Variants in CCDC18 observed in about 807,000 individuals in gnomAD.
CCDC18 encodes coiled-coil domain containing 18.
A neutral mutation model predicts 196.0 loss-of-function variants in CCDC18; 157 were observed. That is an observed-to-expected ratio of 0.80 (90% CI 0.70 to 0.91). CCDC18 has a LOEUF of 0.91. Ranked by LOEUF, CCDC18 falls within the 40% of genes least tolerant of loss-of-function variation. The pLI is 0.00. For synonymous variants in CCDC18, 482 were observed against 529.2 expected, an observed-to-expected ratio of 0.91 and a Z score of 1.22; for missense variants, 1,465 against 1,611.6, an observed-to-expected ratio of 0.91 and a Z score of 1.56.
intron 9 of CCDC18, among the ~76,000 whole-genome samples, chr1:93,207,861 A>G (rs1654958161): frequency 6.6e-6 from 1 of 152,230 alleles, no homozygotes; most frequent in African/African-American, 2.4e-5. Context: ...TCTTTTCTGG[A>G]CATTTCACAT....
At chr1:93,251,863 C>T (rs1662292546) in intron 23 of CCDC18, among the ~76,000 whole-genome samples, 1 of 151,734 alleles carries the variant, frequency 6.6e-6, no homozygotes, top group Admixed American at 6.6e-5. Flanking sequence ...AAAAAGCTTT[C>T]TACCCCTTTG....
upstream of CCDC18, chr1:93,180,454 G>A: frequency 7.2e-7 from 1 of 1,392,500 alleles, no homozygotes; most frequent in Non-Finnish European, 9.7e-7. Context: ...GTCCTATTCC[G>A]CAACCGCCTC....
intron 6 of CCDC18, among the ~76,000 whole-genome samples, chr1:93,201,452 T>G (rs1653818292): frequency 6.6e-6 from 1 of 152,134 alleles, no homozygotes; most frequent in South Asian, 2.1e-4. Context: ...AAGTTACCAT[T>G]TTTTGAAATA....
chr1:93,234,947 G>GTT (rs1185201870), intron 18 of CCDC18, among the ~76,000 whole-genome samples: 1 of 147,644 alleles, frequency 6.8e-6, no homozygotes, highest in Non-Finnish European at 1.5e-5. Context: ...GTGTGTGTGT[G>GTT]TGTGTGTGTG....
Position 93,206,037 on chromosome 1 carries a change from C to A in CCDC18, c.917+406C>A, listed in dbSNP as rs139069691. Among the ~76,000 whole-genome samples the A allele has an allele frequency of 5.9e-3, 896 of 152,142 alleles. 9 individuals are homozygous for A. The highest frequency in any genetic ancestry group is 0.012 in the African/African-American group (487 of 41,534). The stretch of plus-strand genomic sequence containing the variant: ...AAGTAAACAGAAGCCCCGAGAGTAG[C>A]CAGAATTTACTGAAGGTCTGAAAGA... On this transcript the variant is annotated intron_variant, in intron 8 of 28. Transcript: ENST00000690025.
At chr1:93,261,241 A>T (rs1164578134) in intron 26 of CCDC18, among the ~76,000 whole-genome samples, 1 of 151,988 alleles carries the variant, frequency 6.6e-6, no homozygotes, top group African/African-American at 2.4e-5. Context: ...TAAATGTAAA[A>T]CTCCTGACTT....
intron 28 of CCDC18, among the ~76,000 whole-genome samples, chr1:93,275,701 AATC>A (rs1279588015): frequency 6.6e-6 from 1 of 152,220 alleles, no homozygotes; most frequent in Non-Finnish European, 1.5e-5. Context: ...GCCCTGGATT[AATC>A]ATTAAGGAAA....
rs534424295 is a variant in CCDC18 at position 93,262,733 on chromosome 1, G to T, written c.3685-1968G>T. ...TCTACCATTCTGGGGTCTAGAGAAT[G>T]GTGGCCCTCTTCTTACAGCTCCACT... On this transcript the variant is annotated intron_variant, in intron 26 of 28. Transcript: ENST00000690025. Among the ~76,000 whole-genome samples the T allele has an allele frequency of 2.8e-4, 43 of 152,296 alleles. 1 individual carries two copies. The South Asian group carries it at 8.5e-3, about 30-fold the overall frequency.
chr1:93,180,450 T>A (rs1649331169), upstream of CCDC18: 1 of 1,376,524 alleles, frequency 7.3e-7, no homozygotes, highest in South Asian at 1.3e-5. Context: ...AGCAGTCCTA[T>A]TCCGCAACCG....
chr1:93,193,841 C>T, intron 6 of CCDC18, 97 bp downstream of exon 6: 1 of 931,500 alleles, frequency 1.1e-6, no homozygotes, highest in Non-Finnish European at 1.5e-6. Flanking sequence ...GAAAAAATTT[C>T]AGAGATTTGG....
At chr1:93,272,599 A>T (rs1665366729) in intron 28 of CCDC18, among the ~76,000 whole-genome samples, 1 of 152,196 alleles carries the variant, frequency 6.6e-6, no homozygotes, top group Non-Finnish European at 1.5e-5. Context: ...TGACTATCAT[A>T]TTTGGTAATG....
At chr1:93,206,920 A>C (rs1191644825) in intron 8 of CCDC18, among the ~76,000 whole-genome samples, 187 bp from the exon 9 acceptor site, 1 of 152,154 alleles carries the variant, frequency 6.6e-6, no homozygotes, top group Non-Finnish European at 1.5e-5. Context: ...GTAAATAAGA[A>C]GTAATAATAG....
In CCDC18 at chr1:93,256,268, A is replaced by G. The variant is rs1662949403; in HGVS notation, c.3343-67A>G. On this transcript the variant is annotated intron_variant, in intron 24 of 28. Transcript: ENST00000690025. ...GGTGGAAATTTACGTATTAAGCAAA[A>G]TCAGAATAAGAAATAGGTTATCTAT... 4 of 1,425,648 alleles carry G rather than the reference A, an allele frequency of 2.8e-6. No homozygotes were observed. The East Asian group carries it at 6.9e-5, about 25-fold the overall frequency. 88.3% of individuals were successfully genotyped at this position (1,425,648 alleles called of 1,614,324 possible).
chr1:93,248,294 G>A (rs978046512), intron 23 of CCDC18, among the ~76,000 whole-genome samples: 8 of 152,130 alleles, frequency 5.3e-5, no homozygotes, highest in East Asian at 1.9e-4. Context: ...GATTACAGGC[G>A]TGAGCCACTG....
intron 23 of CCDC18, among the ~76,000 whole-genome samples, chr1:93,250,188 G>C (rs1408177139): frequency 6.6e-6 from 1 of 151,724 alleles, no homozygotes; most frequent in Non-Finnish European, 1.5e-5. Flanking sequence ...ATGTGAGCCT[G>C]GGCAACATAG....
chr1:93,200,368 C>T (rs1260811636), intron 6 of CCDC18, among the ~76,000 whole-genome samples: 1 of 147,968 alleles, frequency 6.8e-6, no homozygotes, highest in East Asian at 2.0e-4. Context: ...AGGCTGGACA[C>T]AGTGACTCAC....
At position 93,256,346 on chromosome 1, in the gene CCDC18, G is replaced by C. The variant is rs376775505; in HGVS notation, c.3354G>C (p.Glu1118Asp). 1 of 1,613,946 alleles carries C rather than the reference G, an allele frequency of 6.2e-7. No homozygotes were observed. The highest frequency in any genetic ancestry group is 8.5e-7 in the Non-Finnish European group (1 of 1,179,890). Residue 1118 changes from glutamate to aspartate, a missense_variant, in exon 25 of 29, where the codon GAG (glutamate) becomes GAC (aspartate). Glu to Asp is a conservative substitution (Grantham distance 45). Coordinates refer to ENST00000690025, the MANE Select transcript of CCDC18 (RefSeq NM_001378204.1). ...CTTATGCTTTTCAGGTTATGAAAGA[G>C]CAAGAACAGTACATTGCCACTCAGT... Reference protein sequence around the residue: ...RMKEMESVMKEQEQYIATQYK... With the variant: ...RMKEMESVMKDQEQYIATQYK...
intron 6 of CCDC18, among the ~76,000 whole-genome samples, chr1:93,194,325 A>T (rs887056452): frequency 2.0e-5 from 3 of 152,178 alleles, no homozygotes; most frequent in Non-Finnish European, 4.4e-5. Context: ...AAAGATTTAA[A>T]TTTTTTGAGT....
intron 23 of CCDC18, among the ~76,000 whole-genome samples, chr1:93,248,124 T>C (rs1457681098): frequency 6.7e-6 from 1 of 148,466 alleles, no homozygotes; most frequent in Non-Finnish European, 1.5e-5. Flanking sequence ...CAAGCAATTC[T>C]CTGCCTCAGC....
Sources: allele counts gnomAD v4.1 joint callset (sites outside exome capture counted in the v4.1 genomes callset), GRCh38; gene constraint gnomAD v4.1.1; transcripts MANE v1.5; gene names NCBI Gene and HGNC (gene_info 2026-07-23, HGNC 2026-07-21).